Variants in LPP observed in about 807,000 individuals in gnomAD.
LPP encodes the protein lipoma-preferred partner.
In LPP, 38 loss-of-function variants were observed where a neutral mutation model predicts 60.4. The ratio of observed to expected loss-of-function variants is 0.63; its 90% CI spans 0.49 to 0.83. The LOEUF (loss-of-function observed/expected upper bound fraction) is 0.83, where lower values mean the gene tolerates loss of function less well. Among genes scored for constraint, LPP ranks in the 40% least tolerant of loss-of-function variants. The pLI, the probability that LPP is intolerant of heterozygous loss-of-function variation, is 0.00. For missense variants in LPP, 902 were observed against 783.6 expected, an observed-to-expected ratio of 1.15 and a Z score of -1.80; for synonymous variants, 328 against 290.8, an observed-to-expected ratio of 1.13 and a Z score of -1.30.
chr3:188,237,736 G>GAT (rs397758718), intron 2 of LPP, among the ~76,000 whole-genome samples: 1 of 151,488 alleles, frequency 6.6e-6, no homozygotes, highest in Non-Finnish European at 1.5e-5. Flanking sequence ...GCTGGAAACA[G>GAT]TGCTTTCATC....
rs58445393 is a variant in LPP, at chr3:188,811,351, T to TACACACACAC, written c.1410+51094_1410+51103dup. On this transcript the variant is annotated intron_variant, in intron 9 of 11. Transcript: ENST00000617246. ...AGCGAGAAAATGATTAAGTGCTGTA[T>TACACACACAC]ACACACACACACACACACACACACA... Among the ~76,000 whole-genome samples the TACACACACAC allele has an allele frequency of 7.6e-3, 1,106 of 144,962 alleles. 11 individuals carry two copies. The highest frequency in any genetic ancestry group is 0.024 in the African/African-American group (961 of 39,538).
rs150508128 is a variant in LPP at position 188,635,005 on chromosome 3, G to A, written c.1113+25161G>A. ...GGGACCAGAAAGAGATTGTGCAGCC[G>A]TCCTTCTAGATCTGGTTCTTGTCAA... On this transcript the variant is annotated intron_variant, in intron 7 of 11. Coordinates refer to ENST00000617246, the MANE Select transcript of LPP (RefSeq NM_001375462.1). Among the ~76,000 whole-genome samples the A allele has an allele frequency of 4.8e-3, 734 of 152,162 alleles. 4 individuals are homozygous for A. The highest frequency in any genetic ancestry group is 8.1e-3 in the Non-Finnish European group (548 of 68,006).
intron 9 of LPP, among the ~76,000 whole-genome samples, chr3:188,781,679 C>T (rs574930863): frequency 4.0e-5 from 6 of 151,072 alleles, no homozygotes; most frequent in East Asian, 2.0e-4. Flanking sequence ...GTCAGGAGAT[C>T]GAGATCATCC....
intron 2 of LPP, among the ~76,000 whole-genome samples, chr3:188,334,005 A>G (rs1042104423): frequency 1.3e-5 from 2 of 151,792 alleles, no homozygotes; most frequent in East Asian, 1.9e-4. Flanking sequence ...CCATTTACCA[A>G]CCTTTGGCTA....
intron 6 of LPP, among the ~76,000 whole-genome samples, chr3:188,607,418 A>ATATAT (rs1842732460): frequency 1.6e-4 from 6 of 38,496 alleles, no homozygotes; most frequent in African/African-American, 2.8e-4. Context: ...TATATATATA[A>ATATAT]TTTTTTTTTC....
At chr3:188,446,330 C>T (rs992622376) in intron 4 of LPP, among the ~76,000 whole-genome samples, 2 of 152,196 alleles carry the variant, frequency 1.3e-5, no homozygotes, top group Non-Finnish European at 2.9e-5. Context: ...AAATGTGTCT[C>T]TTTCTGCCAC....
At position 188,884,966 on chromosome 3, in the gene LPP, A is replaced by AT. The variant is rs1241915755; in HGVS notation, c.*10493dup. The AT allele has an allele frequency of 4.6e-5, 10 of 215,148 alleles. No homozygotes were observed. Among genetic ancestry groups the AT allele is most frequent in the African/African-American group, 1.6e-4 (7 of 44,422 alleles). 13.3% of individuals were successfully genotyped at this position (215,148 alleles called of 1,614,324 possible). On this transcript the variant is annotated 3_prime_UTR_variant, in exon 12 of 12. Coordinates refer to ENST00000617246, the MANE Select transcript of LPP (RefSeq NM_001375462.1). Reference sequence around the variant, plus strand: ...CTTCCCAGGATGCTGTCATTTTGTGATTTTTTATAATTACAAGGAATTTGG... The same window carrying AT: ...CTTCCCAGGATGCTGTCATTTTGTGATTTTTTTATAATTACAAGGAATTTGG...
At position 188,378,693 on chromosome 3, in the gene LPP, C is replaced by T. The variant is rs889694354; in HGVS notation, c.-9-27419C>T. The stretch of plus-strand genomic sequence containing the variant: ...GGTGATGCCTCACCCTGCTTCGGCT[C>T]GTGCACGGTGCACTGCACCCACTCT... On this transcript the variant is annotated intron_variant, in intron 3 of 11. Coordinates refer to ENST00000617246, the MANE Select transcript of LPP (RefSeq NM_001375462.1). Among the ~76,000 whole-genome samples, 96 of 152,294 alleles carry T rather than the reference C, an allele frequency of 6.3e-4. 1 individual carries two copies. Among genetic ancestry groups the T allele is most frequent in the East Asian group, 5.8e-4 (3 of 5,160 alleles).
At chr3:188,603,366 C>T (rs1195244186) in intron 6 of LPP, among the ~76,000 whole-genome samples, 1 of 144,414 alleles carries the variant, frequency 6.9e-6, no homozygotes, top group Non-Finnish European at 1.5e-5. Flanking sequence ...TTTTTTTTAA[C>T]ATGTCAACTA....
intron 1 of LPP, among the ~76,000 whole-genome samples, chr3:188,166,671 A>T (rs1720042446): frequency 6.6e-6 from 1 of 152,228 alleles, no homozygotes; most frequent in South Asian, 2.1e-4. Context: ...TAAGTTTTCT[A>T]TTATCGCAAT....
chr3:188,740,744 A>G (rs1724120911), intron 8 of LPP, among the ~76,000 whole-genome samples: 1 of 152,012 alleles, frequency 6.6e-6, no homozygotes. Context: ...GGAGTGATCC[A>G]TAAGAGATTA....
intron 9 of LPP, among the ~76,000 whole-genome samples, chr3:188,761,849 A>G (rs1344912421): frequency 6.6e-6 from 1 of 152,200 alleles, no homozygotes; most frequent in Non-Finnish European, 1.5e-5. Context: ...GCATTACATA[A>G]TTCCTTGCCT....
At chr3:188,178,045 C>G (rs1444571511) in intron 1 of LPP, among the ~76,000 whole-genome samples, 1 of 152,242 alleles carries the variant, frequency 6.6e-6, no homozygotes, top group Non-Finnish European at 1.5e-5. Context: ...GACACTGCAG[C>G]ACCCTCAGTT....
At chr3:188,612,667 A>AT (rs958743164) in intron 7 of LPP, among the ~76,000 whole-genome samples, 16 of 152,020 alleles carry the variant, frequency 1.1e-4, no homozygotes, top group African/African-American at 1.9e-4. Context: ...TTTATTTTTA[A>AT]TTTTTTTTAG....
chr3:188,816,257 G>A (rs932715486), intron 9 of LPP, among the ~76,000 whole-genome samples: 3 of 144,264 alleles, frequency 2.1e-5, no homozygotes, highest in African/African-American at 2.6e-5. Context: ...GCTGGAGTGC[G>A]GTGGCACGAT....
intron 6 of LPP, among the ~76,000 whole-genome samples, chr3:188,531,011 T>C (rs1249481292): frequency 6.6e-6 from 1 of 152,180 alleles, no homozygotes; most frequent in Non-Finnish European, 1.5e-5. Context: ...AGTATTCATC[T>C]TCTAGTTTCT....
At position 188,879,132 on chromosome 3, in the gene LPP, AC is replaced by A. The variant is rs796232912; in HGVS notation, c.*4654del. 6 of 229,824 alleles carry A rather than the reference AC, an allele frequency of 2.6e-5. No homozygotes were observed. The South Asian group carries it at 9.1e-4, about 35-fold the overall frequency. 14.2% of individuals were successfully genotyped at this position (229,824 alleles called of 1,614,324 possible). A position where few individuals can be genotyped will look rare whatever the true frequency, so the allele number is the denominator to read the frequency against. On this transcript the variant is annotated 3_prime_UTR_variant, in exon 12 of 12. Transcript: ENST00000617246. The stretch of plus-strand genomic sequence containing the variant: ...GGCCAAGTTATTCACTTGACAGATA[AC>A]TAGAATGAAACTTTTCTCATGAGGC...
chr3:188,757,365 C>T (rs1577370819), intron 8 of LPP, among the ~76,000 whole-genome samples: 1 of 152,194 alleles, frequency 6.6e-6, no homozygotes, highest in Admixed American at 6.5e-5. Context: ...TTTGCTCTGG[C>T]CGTTCCCTCT....
At chr3:188,753,727 C>G (rs1002290841) in intron 8 of LPP, among the ~76,000 whole-genome samples, 3 of 151,914 alleles carry the variant, frequency 2.0e-5, no homozygotes, top group Middle Eastern at 3.4e-3. Context: ...ACCACTCATC[C>G]TAGTGGCAGT....
Sources: allele counts gnomAD v4.1 joint callset (sites outside exome capture counted in the v4.1 genomes callset), GRCh38; gene constraint gnomAD v4.1.1; transcripts MANE v1.5; gene names NCBI Gene and HGNC (gene_info 2026-07-23, HGNC 2026-07-21).